The following STXBP5L variants were observed in gnomAD, a reference collection of about 807,000 sequenced individuals.
STXBP5L encodes syntaxin binding protein 5L.
STXBP5L carries 65 observed loss-of-function variants against 144.5 expected under a neutral mutation model. The ratio of observed to expected loss-of-function variants is 0.45; its 90% CI spans 0.37 to 0.55. STXBP5L has a LOEUF of 0.55. Ranked by LOEUF, STXBP5L falls within the 20% of genes least tolerant of loss-of-function variation. The pLI is 0.00. For missense variants in STXBP5L, 1,298 were observed against 1,405.5 expected, an observed-to-expected ratio of 0.92 and a Z score of 1.22; for synonymous variants, 505 against 469.6, an observed-to-expected ratio of 1.08 and a Z score of -0.97.
intron 3 of STXBP5L, among the ~76,000 whole-genome samples, chr3:120,988,455 GA>G (rs1249330279): frequency 1.3e-5 from 2 of 151,802 alleles, no homozygotes; most frequent in Admixed American, 6.6e-5. Flanking sequence ...ATTGTGTTAA[GA>G]AAAAACACTC....
chr3:121,004,851 G>T (rs533539425), intron 3 of STXBP5L, among the ~76,000 whole-genome samples: 1 of 152,196 alleles, frequency 6.6e-6, no homozygotes, highest in South Asian at 2.1e-4. Context: ...GCTGGATTAC[G>T]TTTATTGATT....
chr3:121,247,664 AT>A (rs2049899286), intron 14 of STXBP5L, among the ~76,000 whole-genome samples: 1 of 152,050 alleles, frequency 6.6e-6, no homozygotes, highest in African/African-American at 2.4e-5. Flanking sequence ...CTCTTTTTTT[AT>A]GGCTGTGTAA....
rs1252464940 is a variant in STXBP5L, at chr3:121,313,466, G to A, written c.2111-5009G>A. On this transcript the variant is annotated intron_variant, in intron 19 of 26. Transcript: ENST00000471454. ...TGACCCCCCCACCTCCCTCCTGGAC[G>A]GGGCGACTGGCCGGGCAGAGGGGCT... Among the ~76,000 whole-genome samples the A allele has an allele frequency of 4.1e-5, 4 of 97,406 alleles. 1 individual carries two copies. The highest frequency in any genetic ancestry group is 6.5e-4 in the East Asian group (2 of 3,096). 63.9% of individuals were successfully genotyped at this position (97,406 alleles called of 152,430 possible).
intron 3 of STXBP5L, among the ~76,000 whole-genome samples, chr3:120,966,499 T>C (rs1939593465): frequency 6.6e-6 from 1 of 152,054 alleles, no homozygotes; most frequent in Admixed American, 6.6e-5. Context: ...GTTGATGCTA[T>C]TCCTTTCTGT....
At chr3:121,167,554 G>A (rs2046543940) in intron 9 of STXBP5L, among the ~76,000 whole-genome samples, 2 of 152,058 alleles carry the variant, frequency 1.3e-5, no homozygotes, top group Admixed American at 6.6e-5. Context: ...TGTAAACAAA[G>A]CCACCAAGAA....
chr3:121,146,875 G>A (rs999224724), intron 7 of STXBP5L, among the ~76,000 whole-genome samples: 4 of 151,966 alleles, frequency 2.6e-5, no homozygotes, highest in Non-Finnish European at 5.9e-5. Flanking sequence ...ACTAAAACAT[G>A]TGCTTATCTG....
At chr3:120,984,920 T>C (rs981145893) in intron 3 of STXBP5L, among the ~76,000 whole-genome samples, 1 of 152,078 alleles carries the variant, frequency 6.6e-6, no homozygotes, top group African/African-American at 2.4e-5. Context: ...AATTGAGATG[T>C]TGTGTGTTTT....
intron 3 of STXBP5L, among the ~76,000 whole-genome samples, chr3:121,002,261 A>G (rs1302965953): frequency 1.3e-5 from 2 of 149,380 alleles, no homozygotes; most frequent in African/African-American, 2.4e-5. Context: ...ATGTGAGATA[A>G]TATCTCATTG....
chr3:121,128,203 G>T (rs2044803938), intron 7 of STXBP5L, among the ~76,000 whole-genome samples: 1 of 151,988 alleles, frequency 6.6e-6, no homozygotes, highest in Non-Finnish European at 1.5e-5. Context: ...AGTTACTTAT[G>T]ATTTTGGATT....
chr3:121,081,004 A>C (rs1481948769), intron 5 of STXBP5L, among the ~76,000 whole-genome samples: 2 of 152,138 alleles, frequency 1.3e-5, no homozygotes, highest in Admixed American at 6.6e-5. Context: ...AGTTAATTTT[A>C]GGTTTGGCTG....
intron 2 of STXBP5L, among the ~76,000 whole-genome samples, chr3:120,951,685 G>A (rs892911062): frequency 5.3e-5 from 8 of 151,576 alleles, no homozygotes; most frequent in African/African-American, 1.9e-4. Flanking sequence ...GGAGAAATAG[G>A]AACACTTTTA....
At chr3:120,951,148 C>A (rs868012830) in intron 2 of STXBP5L, among the ~76,000 whole-genome samples, 26 of 152,146 alleles carry the variant, frequency 1.7e-4, no homozygotes, top group Middle Eastern at 6.8e-3. Flanking sequence ...ACACAAAAAT[C>A]AATTCAAGAT....
intron 5 of STXBP5L, among the ~76,000 whole-genome samples, chr3:121,098,506 T>C (rs2043245261): frequency 6.6e-6 from 1 of 152,196 alleles, no homozygotes. Context: ...ATAAGATTAG[T>C]CATCAAGGCA....
chr3:121,087,039 G>T (rs2042532425), intron 5 of STXBP5L, among the ~76,000 whole-genome samples: 1 of 151,990 alleles, frequency 6.6e-6, no homozygotes, highest in Non-Finnish European at 1.5e-5. Flanking sequence ...ATTGTACTCA[G>T]AGAAAATATT....
intron 20 of STXBP5L, among the ~76,000 whole-genome samples, chr3:121,327,264 T>C (rs1048392522): frequency 6.6e-6 from 1 of 152,194 alleles, no homozygotes; most frequent in African/African-American, 2.4e-5. Context: ...GCAATTCTAT[T>C]TTTATTTAGG....
chr3:121,010,719 A>G (rs954085438), intron 3 of STXBP5L, among the ~76,000 whole-genome samples: 1 of 151,962 alleles, frequency 6.6e-6, no homozygotes, highest in Non-Finnish European at 1.5e-5. Flanking sequence ...AATGTGTTGT[A>G]TACTGTATTC....
At position 120,992,448 on chromosome 3, in the gene STXBP5L, T is replaced by C. The variant is rs547344758; in HGVS notation, c.287+37411T>C. Reference sequence around the variant, plus strand: ...CCCATTAACTAACCTCTCTTGTCCTTCCCCCATGCAGCCTTCCTCACCTCT... The same window carrying C: ...CCCATTAACTAACCTCTCTTGTCCTCCCCCCATGCAGCCTTCCTCACCTCT... On this transcript the variant is annotated intron_variant, in intron 3 of 26. Coordinates refer to ENST00000471454, the MANE Select transcript of STXBP5L (RefSeq NM_001308330.2). Among the ~76,000 whole-genome samples, 3 of 152,122 alleles carry C rather than the reference T, an allele frequency of 2.0e-5. No homozygotes were observed. In the East Asian group the frequency reaches 5.8e-4, roughly 29 times the overall value.
chr3:120,911,733 C>G (rs934494083), intron 2 of STXBP5L, among the ~76,000 whole-genome samples: 1 of 152,006 alleles, frequency 6.6e-6, no homozygotes, highest in African/African-American at 2.4e-5. Context: ...TGTCCACTAA[C>G]AGTACTGAAG....
chr3:121,186,815 G>T (rs1303025600), intron 9 of STXBP5L, among the ~76,000 whole-genome samples: 3 of 152,158 alleles, frequency 2.0e-5, no homozygotes, highest in African/African-American at 7.2e-5. Context: ...ATGAAAAAAT[G>T]CTCATCATCA....
Sources: allele counts gnomAD v4.1 joint callset (sites outside exome capture counted in the v4.1 genomes callset), GRCh38; gene constraint gnomAD v4.1.1; transcripts MANE v1.5; gene names NCBI Gene and HGNC (gene_info 2026-07-23, HGNC 2026-07-21).